MUSK: variants seen among roughly 807,000 people sequenced by gnomAD.
MUSK encodes muscle associated receptor tyrosine kinase, also known as muscle, skeletal receptor tyrosine-protein kinase.
A neutral mutation model predicts 88.7 loss-of-function variants in MUSK; 55 were observed. That is an observed-to-expected ratio of 0.62 (90% CI 0.50 to 0.78). The LOEUF is 0.78. Among genes scored for constraint, MUSK ranks in the 30% least tolerant of loss-of-function variants. MUSK has a pLI of 0.00. For missense variants in MUSK, 1,015 were observed against 1,074.3 expected, an observed-to-expected ratio of 0.94 and a Z score of 0.77; for synonymous variants, 387 against 391.9, an observed-to-expected ratio of 0.99 and a Z score of 0.15.
intron 6 of MUSK, among the ~76,000 whole-genome samples, chr9:110,736,338 A>T (rs943623463): frequency 2.6e-5 from 4 of 152,158 alleles, no homozygotes. Flanking sequence ...GAGGAAGATT[A>T]TATTTTTAAA....
chr9:110,743,558 A>G (rs1388918672), intron 6 of MUSK, among the ~76,000 whole-genome samples: 1 of 152,232 alleles, frequency 6.6e-6, no homozygotes, highest in East Asian at 1.9e-4. Flanking sequence ...TCCAATAAAT[A>G]TAATTTCTAA....
intron 5 of MUSK, among the ~76,000 whole-genome samples, chr9:110,708,092 C>T (rs574550212): frequency 1.5e-4 from 6 of 38,888 alleles, no homozygotes; most frequent in African/African-American, 5.7e-4. Flanking sequence ...TAAATAATTC[C>T]TATCTATCTA....
rs140280931 is a variant in MUSK, at chr9:110,790,009, G to A, written c.1927+2171G>A. ...ACAGAGAAGAGGTCCAAGGACCAAG[G>A]CCTGGAGCATTCCAGTATTTAGTGT... On this transcript the variant is annotated intron_variant, in intron 14 of 14. Transcript: ENST00000374448. Among the ~76,000 whole-genome samples, 46 of 152,264 alleles carry A rather than the reference G, an allele frequency of 3.0e-4. No homozygotes were observed. The East Asian group carries it at 7.5e-3, about 25-fold the overall frequency.
At chr9:110,671,480 G>C (rs895665179) in intron 1 of MUSK, among the ~76,000 whole-genome samples, 4 of 152,044 alleles carry the variant, frequency 2.6e-5, no homozygotes, top group African/African-American at 9.7e-5. Context: ...TAACACAAAA[G>C]TATTCAGTGG....
At position 110,805,572 on chromosome 9, in the gene MUSK, A is replaced by G. The variant is rs2078150545; in HGVS notation, c.*4584A>G. Among the ~76,000 whole-genome samples, 1 of 151,908 alleles carries G rather than the reference A, an allele frequency of 6.6e-6. No individual in the cohort carries two copies. On this transcript the variant is annotated 3_prime_UTR_variant, in exon 15 of 15. Transcript: ENST00000374448. ...ATTAAGGAGTTAAATTTTGTGATAT[A>G]TGTTTCAACTACTTTTATCATGTTA...
chr9:110,699,749 G>C (rs1380444445), intron 5 of MUSK, among the ~76,000 whole-genome samples: 1 of 152,158 alleles, frequency 6.6e-6, no homozygotes, highest in Non-Finnish European at 1.5e-5. Flanking sequence ...AGTTGGGGCA[G>C]ACGAGCATAT....
chr9:110,800,453 C>G lies in MUSK; in HGVS notation c.2075C>G (p.Pro692Arg). ...TCTATGAGGGCTCAGGTCTCCAGCCCTGGGCCCCCACCCCTCTCCTGTGCT... is the reference window on the plus strand; with the variant it reads ...TCTATGAGGGCTCAGGTCTCCAGCCGTGGGCCCCCACCCCTCTCCTGTGCT... ...DLSMRAQVSS[P>R]GPPPLSCAEQ... Residue 692 changes from proline to arginine, a missense_variant, in exon 15 of 15, where the codon CCT (proline) becomes CGT (arginine). By Grantham distance (103) the Pro-to-Arg change is moderately radical (BLOSUM62 -2). Coordinates refer to ENST00000374448, the MANE Select transcript of MUSK (RefSeq NM_005592.4). 6.2e-7 allele frequency: 1 copy of G among 1,613,918 alleles called. No individual in the cohort carries two copies. The highest frequency in any genetic ancestry group is 8.5e-7 in the Non-Finnish European group (1 of 1,179,874).
chr9:110,762,225 G>A lies in MUSK; in HGVS notation c.920+17G>A, dbSNP rs1261327485. The A allele has an allele frequency of 7.1e-7, 1 of 1,413,056 alleles. No homozygotes were observed. The highest frequency in any genetic ancestry group is 2.3e-5 in the Admixed American group (1 of 42,802). 87.5% of individuals were successfully genotyped at this position (1,413,056 alleles called of 1,614,324 possible). ...AGAATGGAGGTAAGAAACTGTTATT[G>A]TAACAATTGTTTCCAATGTTTTGTT... On this transcript the variant is annotated intron_variant, in intron 8 of 14. Transcript: ENST00000374448.
intron 10 of MUSK, among the ~76,000 whole-genome samples, chr9:110,776,282 CATCTT>C (rs781519815): frequency 3.4e-4 from 52 of 152,078 alleles, no homozygotes; most frequent in Non-Finnish European, 6.2e-4. Context: ...GGCTAAGAAA[CATCTT>C]ATATTTTGTC....
intron 7 of MUSK, among the ~76,000 whole-genome samples, chr9:110,758,585 G>A (rs1207911470): frequency 6.6e-6 from 1 of 152,142 alleles, no homozygotes. Context: ...TCAGATAAGG[G>A]AAAGAAGTAA....
At position 110,800,983 on chromosome 9, in the gene MUSK, G is replaced by A. The variant is rs751063825; in HGVS notation, c.2605G>A (p.Val869Ile). 6.6e-7 allele frequency: 1 copy of A among 1,511,568 alleles called. No homozygotes were observed. The highest frequency in any genetic ancestry group is 2.3e-5 in the East Asian group (1 of 44,018). 93.6% of individuals were successfully genotyped at this position (1,511,568 alleles called of 1,614,324 possible). ...TGAGAGGGCAGAGGGAACTGTGAGT[G>A]TCTAAGGTTGAAGACGTTCAAATAA... is the stretch of plus-strand genomic sequence containing the variant. ...MCERAEGTVSV is the reference protein window; with the variant it reads ...MCERAEGTVSI The change falls in exon 15 of 15, where the codon GTC (valine) becomes ATC (isoleucine). Residue 869 changes from valine to isoleucine, a missense_variant. Physicochemically the swap from Val to Ile is conservative, Grantham distance 29 (BLOSUM62 3). Transcript: ENST00000374448.
chr9:110,707,753 G>C (rs2076617347), intron 5 of MUSK, among the ~76,000 whole-genome samples: 1 of 152,130 alleles, frequency 6.6e-6, no homozygotes, highest in African/African-American at 2.4e-5. Context: ...AGTCCTTCTG[G>C]GTACAGGGTT....
chr9:110,758,054 C>A (rs1248412419), intron 7 of MUSK, among the ~76,000 whole-genome samples: 1 of 150,124 alleles, frequency 6.7e-6, no homozygotes, highest in Non-Finnish European at 1.5e-5. Flanking sequence ...GCAGCCTCTG[C>A]CTGAGCTCAA....
intron 7 of MUSK, among the ~76,000 whole-genome samples, chr9:110,758,874 A>G (rs902849940): frequency 4.6e-5 from 7 of 152,206 alleles, no homozygotes; most frequent in East Asian, 1.9e-4. Context: ...GATCTCTGCA[A>G]TAAGAATTAC....
chr9:110,798,134 T>G (rs1200385794), intron 14 of MUSK, among the ~76,000 whole-genome samples: 1 of 152,186 alleles, frequency 6.6e-6, no homozygotes, highest in Non-Finnish European at 1.5e-5. Context: ...ATGCAAGTGA[T>G]TCCACTACTC....
At chr9:110,714,334 A>G (rs990412861) in intron 5 of MUSK, among the ~76,000 whole-genome samples, 3 of 152,282 alleles carry the variant, frequency 2.0e-5, no homozygotes, top group Middle Eastern at 3.4e-3. Context: ...CAAGTGAGAA[A>G]AACGTTACCA....
At chr9:110,678,895 T>TTG (rs1554731935) in intron 1 of MUSK, among the ~76,000 whole-genome samples, 3 of 151,422 alleles carry the variant, frequency 2.0e-5, no homozygotes, top group African/African-American at 7.3e-5. Context: ...ATTGGGATTT[T>TTG]TTGTTTTTTT....
intron 5 of MUSK, among the ~76,000 whole-genome samples, chr9:110,715,459 G>C (rs893595390): frequency 1.3e-5 from 2 of 148,866 alleles, no homozygotes; most frequent in African/African-American, 5.1e-5. Flanking sequence ...TTGTACATGA[G>C]TGTAAGGAAA....
intron 1 of MUSK, among the ~76,000 whole-genome samples, chr9:110,673,563 A>C (rs1194874207): frequency 6.6e-6 from 1 of 152,168 alleles, no homozygotes; most frequent in Non-Finnish European, 1.5e-5. Flanking sequence ...TTAACTTAAT[A>C]AAGTTCTTAG....
Sources: allele counts gnomAD v4.1 joint callset (sites outside exome capture counted in the v4.1 genomes callset), GRCh38; gene constraint gnomAD v4.1.1; transcripts MANE v1.5; gene names NCBI Gene and HGNC (gene_info 2026-07-23, HGNC 2026-07-21).